The following VGLL4 variants were observed in gnomAD, a reference collection of about 807,000 sequenced individuals.
The protein encoded by VGLL4 is vestigial like family member 4.
VGLL4 carries 7 observed loss-of-function variants against 21.0 expected under a neutral mutation model. The ratio of observed to expected loss-of-function variants is 0.33; its 90% CI spans 0.19 to 0.63. The LOEUF (loss-of-function observed/expected upper bound fraction) is 0.63, where lower values mean the gene tolerates loss of function less well. VGLL4 is among the 20% of genes least tolerant of loss of function. The probability of loss-of-function intolerance (pLI) is 0.78; values close to 1 mark genes in which losing one functional copy is unlikely to be tolerated. For synonymous variants in VGLL4, 222 were observed against 173.2 expected (o/e 1.28, Z -2.21); for missense variants, 394 against 425.7 (o/e 0.93, Z 0.66).
intron 1 of VGLL4, among the ~76,000 whole-genome samples, chr3:11,615,631 A>G (rs1160240058): frequency 2.0e-5 from 3 of 152,132 alleles, no homozygotes; most frequent in Non-Finnish European, 4.4e-5. Context: ...TTGTCACTCA[A>G]TCACATACTC....
chr3:11,587,941 C>A (rs554335842), intron 2 of VGLL4, among the ~76,000 whole-genome samples: 2 of 152,332 alleles, frequency 1.3e-5, no homozygotes, highest in East Asian at 3.9e-4. Flanking sequence ...GACTGAACCT[C>A]GCGCATGTGT....
At chr3:11,689,789 G>A (rs2076500978) in intron 2 of VGLL4, among the ~76,000 whole-genome samples, 1 of 152,232 alleles carries the variant, frequency 6.6e-6, no homozygotes, top group South Asian at 2.1e-4. Context: ...AGGACAGAAA[G>A]TGTCCAATGA....
chr3:11,566,639 T>G (rs2073542802), intron 2 of VGLL4, among the ~76,000 whole-genome samples: 1 of 152,176 alleles, frequency 6.6e-6, no homozygotes, highest in South Asian at 2.1e-4. Flanking sequence ...GCGGCCACTC[T>G]CTGCCTCTGT....
At chr3:11,627,032 T>C (rs750599359) in intron 1 of VGLL4, among the ~76,000 whole-genome samples, 1 of 151,824 alleles carries the variant, frequency 6.6e-6, no homozygotes, top group East Asian at 1.9e-4. Context: ...AATGTAGTCA[T>C]ACTAGAATGA....
At chr3:11,626,639 A>C (rs971311974) in intron 1 of VGLL4, 13 of 260,020 alleles carry the variant, frequency 5.0e-5, no homozygotes, top group Non-Finnish European at 7.8e-5. Context: ...CATTCTACAG[A>C]AAGCCACTTA....
intron 2 of VGLL4, among the ~76,000 whole-genome samples, chr3:11,682,993 C>T (rs1202886955): frequency 1.3e-5 from 2 of 151,918 alleles, no homozygotes; most frequent in African/African-American, 4.8e-5. Context: ...TTTGGGAGGC[C>T]GAGGTGGGCA....
intron 2 of VGLL4, among the ~76,000 whole-genome samples, chr3:11,692,754 G>A (rs1428452306): frequency 6.6e-6 from 1 of 151,346 alleles, no homozygotes; most frequent in Non-Finnish European, 1.5e-5. Context: ...GGGGGGTGGG[G>A]GGATGTTTAT....
In VGLL4 at chr3:11,558,472, A is replaced by AG; in HGVS notation, c.*83_*84insC. On this transcript the variant is annotated 3_prime_UTR_variant, in exon 5 of 5. Coordinates refer to ENST00000430365, the MANE Select transcript of VGLL4 (RefSeq NM_001128219.3). ...CTTCCCTTCCCCCCACCCCACCCCC[A>AG]TGATTTTTTTTTTTTTAAGTACTGA... The AG allele has an allele frequency of 1.5e-6, 1 of 650,970 alleles. No homozygotes were observed. The highest frequency in any genetic ancestry group is 2.1e-6 in the Non-Finnish European group (1 of 468,394). 40.3% of individuals were successfully genotyped at this position (650,970 alleles called of 1,614,324 possible). A position where few individuals can be genotyped will look rare whatever the true frequency, so the allele number is the denominator to read the frequency against.
rs1415235117 is a variant in VGLL4 at position 11,568,296 on chromosome 3, G to A, written c.273-3277C>T. ...ACGCAGATGACTCAGCTGCGCCTTA[G>A]GAAATCCAAGCATGACTATGAGACC... is the stretch of plus-strand genomic sequence containing the variant. On this transcript the variant is annotated intron_variant, in intron 2 of 4. Transcript: ENST00000430365. The surrounding 1 kb of genome is among the most constrained non-coding windows in gnomAD (Gnocchi z 5.9). Among the ~76,000 whole-genome samples, 1 of 152,220 alleles carries A rather than the reference G, an allele frequency of 6.6e-6. No individual in the cohort carries two copies. The highest frequency in any genetic ancestry group is 1.5e-5 in the Non-Finnish European group (1 of 68,044).
intron 2 of VGLL4, among the ~76,000 whole-genome samples, chr3:11,588,139 C>T (rs185582426): frequency 6.6e-6 from 1 of 152,278 alleles, no homozygotes; most frequent in Non-Finnish European, 1.5e-5. Context: ...AAGAGTGTTT[C>T]CACAGAGCTC....
At chr3:11,597,350 G>A (rs922272095) in intron 2 of VGLL4, among the ~76,000 whole-genome samples, 2 of 151,816 alleles carry the variant, frequency 1.3e-5, no homozygotes, top group African/African-American at 4.8e-5. Context: ...CTTCCAAACA[G>A]ACATTCATCT....
At chr3:11,671,400 G>A in intron 2 of VGLL4, 1 of 848,188 alleles carries the variant, frequency 1.2e-6, no homozygotes, top group Non-Finnish European at 2.0e-6. Flanking sequence ...TGACGCTGTG[G>A]GCCACATGTA....
rs940449278 is a variant in VGLL4 at position 11,568,046 on chromosome 3, GC to G, written c.273-3028del. On this transcript the variant is annotated intron_variant, in intron 2 of 4. Coordinates refer to ENST00000430365, the MANE Select transcript of VGLL4 (RefSeq NM_001128219.3). This position sits in a 1 kb window ranked among gnomAD's most constrained non-coding sequence, Gnocchi z 5.9. ...GAGGTTCCAGAACTGCAGGGTTACA[GC>G]CCTGCCTTCTCATGGGCTTACAATC... Among the ~76,000 whole-genome samples the G allele has an allele frequency of 1.3e-5, 2 of 152,194 alleles. No homozygotes were observed. Among genetic ancestry groups the G allele is most frequent in the African/African-American group, 4.8e-5 (2 of 41,444 alleles).
At chr3:11,594,333 T>C (rs1217229798) in intron 2 of VGLL4, among the ~76,000 whole-genome samples, 2 of 152,186 alleles carry the variant, frequency 1.3e-5, no homozygotes, top group African/African-American at 4.8e-5. Context: ...CAATCTGATA[T>C]AGACAAAAAG....
intron 1 of VGLL4, among the ~76,000 whole-genome samples, chr3:11,641,275 C>A: frequency 6.6e-6 from 1 of 151,872 alleles, no homozygotes; most frequent in East Asian, 1.9e-4. Context: ...TTAATTTGTC[C>A]CTTATTCTTA....
At chr3:11,684,424 A>G (rs1280396351) in intron 2 of VGLL4, among the ~76,000 whole-genome samples, 1 of 151,954 alleles carries the variant, frequency 6.6e-6, no homozygotes, top group Non-Finnish European at 1.5e-5. Context: ...TTTGTCACCC[A>G]GGCTGGAATG....
At chr3:11,677,834 G>A (rs2076315655) in intron 2 of VGLL4, among the ~76,000 whole-genome samples, 2 of 151,200 alleles carry the variant, frequency 1.3e-5, no homozygotes, top group South Asian at 2.1e-4. Context: ...GAACCCGGGA[G>A]GCGGAGGTTG....
rs546576546 is a variant in VGLL4, at chr3:11,714,803, C to T, written c.-14+5591G>A. On this transcript the variant is annotated intron_variant, in intron 1 of 5. Transcript: ENST00000273038. ...TATTTCCTATTCACAAGTGCTAAAG[C>T]GACACATATTCTTAGGGACCTATTA... Among the ~76,000 whole-genome samples the T allele has an allele frequency of 2.6e-5, 4 of 152,190 alleles. No homozygotes were observed. In the East Asian group the frequency reaches 5.8e-4, roughly 22 times the overall value.
chr3:11,680,681 A>C (rs2076355646), intron 2 of VGLL4, among the ~76,000 whole-genome samples: 1 of 152,234 alleles, frequency 6.6e-6, no homozygotes, highest in African/African-American at 2.4e-5. Flanking sequence ...GACTCACTCC[A>C]GACAGTCCAC....
Sources: gnomAD v4.1 joint callset for allele counts (sites outside exome capture counted in the v4.1 genomes callset) on GRCh38, gnomAD v4.1.1 for gene constraint, Gnocchi (gnomAD v3.1) non-coding constraint, MANE v1.5 for transcripts, NCBI Gene and HGNC (gene_info 2026-07-23, HGNC 2026-07-21) for gene names.